VAV3: variants seen among roughly 807,000 people sequenced by gnomAD.
VAV3 encodes the protein vav guanine nucleotide exchange factor 3.
VAV3 carries 94 observed loss-of-function variants against 131.2 expected under a neutral mutation model. The ratio of observed to expected loss-of-function variants is 0.72; its 90% CI spans 0.61 to 0.85. VAV3 has a LOEUF of 0.85. Among genes scored for constraint, VAV3 ranks in the 40% least tolerant of loss-of-function variants. The pLI, the probability that VAV3 is intolerant of heterozygous loss-of-function variation, is 0.00. For missense variants in VAV3, 939 were observed against 1,002.7 expected (o/e 0.94, Z 0.86); for synonymous variants, 349 against 342.0 (o/e 1.02, Z -0.22).
At chr1:107,776,667 A>T (rs191335606) in intron 4 of VAV3, among the ~76,000 whole-genome samples, 27 of 152,336 alleles carry the variant, frequency 1.8e-4, no homozygotes, top group Admixed American at 3.3e-4. Flanking sequence ...TGCCTGATCC[A>T]TGTCATCAGT....
chr1:107,861,937 A>T (rs1207905812), intron 2 of VAV3, among the ~76,000 whole-genome samples: 3 of 151,644 alleles, frequency 2.0e-5, no homozygotes, highest in African/African-American at 7.2e-5. Context: ...GAGTGTTCTG[A>T]AAGATTTAAA....
chr1:107,830,676 T>C (rs1668211165), intron 2 of VAV3, among the ~76,000 whole-genome samples: 1 of 152,140 alleles, frequency 6.6e-6, no homozygotes, highest in South Asian at 2.1e-4. Context: ...CTTTGCTCAT[T>C]CTCTAATAAA....
At chr1:107,918,672 A>G (rs1051274471) in intron 1 of VAV3, among the ~76,000 whole-genome samples, 8 of 147,898 alleles carry the variant, frequency 5.4e-5, no homozygotes, top group African/African-American at 1.5e-4. Context: ...GCATATATAT[A>G]TATATTTTTA....
chr1:107,661,304 T>C (rs1233493226), intron 19 of VAV3, among the ~76,000 whole-genome samples: 1 of 152,130 alleles, frequency 6.6e-6, no homozygotes, highest in African/African-American at 2.4e-5. Context: ...CACGACCCAT[T>C]ATGCACCCAA....
intron 20 of VAV3, among the ~76,000 whole-genome samples, chr1:107,632,687 C>T (rs1452523068): frequency 6.6e-6 from 1 of 152,138 alleles, no homozygotes; most frequent in East Asian, 1.9e-4. Context: ...AGACAGGAGA[C>T]CTAATGTCAA....
chr1:107,919,503 C>T (rs528959292), intron 1 of VAV3, among the ~76,000 whole-genome samples: 34 of 152,202 alleles, frequency 2.2e-4, no homozygotes, highest in Non-Finnish European at 4.7e-4. Context: ...TTATCTTCTA[C>T]AAGACTATTG....
rs561734011 is a variant in VAV3 at position 107,807,169 on chromosome 1, C to T, written c.322-27677G>A. Among the ~76,000 whole-genome samples, 4 of 152,270 alleles carry T rather than the reference C, an allele frequency of 2.6e-5. No homozygotes were observed. In the East Asian group the frequency reaches 7.7e-4, roughly 29 times the overall value. The stretch of plus-strand genomic sequence containing the variant: ...TTTCTAGGTGTCAAAATGATCATTT[C>T]AAATCAGGGTACTTCTCTAAGAAAG... On this transcript the variant is annotated intron_variant, in intron 2 of 26. Transcript: ENST00000370056.
chr1:107,929,261 C>G, intron 1 of VAV3, among the ~76,000 whole-genome samples: 1 of 129,856 alleles, frequency 7.7e-6, no homozygotes. Flanking sequence ...GCACTCCAGC[C>G]TGGGTGACAG....
intron 2 of VAV3, among the ~76,000 whole-genome samples, chr1:107,799,099 CCTTA>C (rs1349458784): frequency 6.6e-6 from 1 of 152,054 alleles, no homozygotes; most frequent in Non-Finnish European, 1.5e-5. Context: ...GCAATCACAA[CCTTA>C]CTGTTTCCTA....
At chr1:107,870,553 T>C (rs990777361) in intron 2 of VAV3, among the ~76,000 whole-genome samples, 8 of 152,142 alleles carry the variant, frequency 5.3e-5, no homozygotes, top group African/African-American at 1.7e-4. Flanking sequence ...GTTTGGTGTA[T>C]AGATTGTGAA....
chr1:107,777,522 TCTGAAGCAA>T, intron 3 of VAV3: 1 of 565,742 alleles, frequency 1.8e-6, no homozygotes. Context: ...CCTGAAATCA[TCTGAAGCAA>T]TTACAGCTGG....
chr1:107,940,688 A>G (rs1673942090), intron 1 of VAV3, among the ~76,000 whole-genome samples: 1 of 152,186 alleles, frequency 6.6e-6, no homozygotes, highest in Admixed American at 6.5e-5. Flanking sequence ...AACATGGATA[A>G]ACCTTCAGGA....
chr1:107,626,450 GTCAAAA>G (rs1402509067), intron 20 of VAV3, among the ~76,000 whole-genome samples: 1 of 152,076 alleles, frequency 6.6e-6, no homozygotes, highest in Non-Finnish European at 1.5e-5. Context: ...GCAAATACCT[GTCAAAA>G]TCAAGGTCTC....
chr1:107,935,420 GCA>G (rs1673658229), intron 1 of VAV3, among the ~76,000 whole-genome samples: 1 of 152,126 alleles, frequency 6.6e-6, no homozygotes, highest in African/African-American at 2.4e-5. Flanking sequence ...AGCACCTACT[GCA>G]CAGAGACCAC....
chr1:107,878,753 T>G (rs1670628168), intron 1 of VAV3, among the ~76,000 whole-genome samples: 1 of 152,156 alleles, frequency 6.6e-6, no homozygotes, highest in South Asian at 2.1e-4. Flanking sequence ...CTCTCTACTG[T>G]AAAGGTACAT....
At chr1:107,834,286 A>G (rs1668379194) in intron 2 of VAV3, among the ~76,000 whole-genome samples, 1 of 152,186 alleles carries the variant, frequency 6.6e-6, no homozygotes. Flanking sequence ...GAATGTCTTT[A>G]GTACCCAATG....
intron 15 of VAV3, among the ~76,000 whole-genome samples, chr1:107,739,596 G>A (rs1473518598): frequency 1.3e-5 from 2 of 152,138 alleles, no homozygotes; most frequent in East Asian, 3.8e-4. Flanking sequence ...TTAAAAACTG[G>A]TCATGCAAGC....
At chr1:107,845,968 C>G (rs115829153) in intron 2 of VAV3, among the ~76,000 whole-genome samples, 2 of 152,100 alleles carry the variant, frequency 1.3e-5, no homozygotes, top group South Asian at 2.1e-4. Context: ...AGATACTCCA[C>G]GAGAAGAGCA....
intron 3 of VAV3, among the ~76,000 whole-genome samples, chr1:107,778,558 T>C (rs1293417936): frequency 1.3e-5 from 2 of 152,180 alleles, no homozygotes; most frequent in Non-Finnish European, 2.9e-5. Context: ...AAAGGTCCTG[T>C]ACCAGCAGGG....
Sources: gnomAD v4.1 joint callset for allele counts (sites outside exome capture counted in the v4.1 genomes callset) on GRCh38, gnomAD v4.1.1 for gene constraint, MANE v1.5 for transcripts, NCBI Gene and HGNC (gene_info 2026-07-23, HGNC 2026-07-21) for gene names.